The following TYW1 variants were observed in gnomAD, a reference collection of about 807,000 sequenced individuals.
The protein encoded by TYW1 is S-adenosyl-L-methionine-dependent tRNA 4-demethylwyosine synthase TYW1.
A neutral mutation model predicts 96.2 loss-of-function variants in TYW1; 46 were observed. The observed-to-expected ratio is 0.48, with a 90% confidence interval of 0.38 to 0.61. The LOEUF is 0.61. Among genes scored for constraint, TYW1 ranks in the 20% least tolerant of loss-of-function variants. The pLI is 0.00. For missense variants in TYW1, 684 were observed against 909.6 expected, an observed-to-expected ratio of 0.75 and a Z score of 3.19; for synonymous variants, 274 against 323.0, an observed-to-expected ratio of 0.85 and a Z score of 1.63.
intron 11 of TYW1, among the ~76,000 whole-genome samples, chr7:67,094,651 A>AGGGG (rs745340578): frequency 9.9e-5 from 14 of 141,600 alleles, no homozygotes; most frequent in African/African-American, 3.4e-4. Flanking sequence ...AGAGAATTAG[A>AGGGG]GTGTGTGTGT....
chr7:67,119,932 A>G (rs1240075597), intron 13 of TYW1, among the ~76,000 whole-genome samples: 3 of 151,152 alleles, frequency 2.0e-5, no homozygotes, highest in Non-Finnish European at 4.4e-5. Flanking sequence ...GACCACAGGC[A>G]CATACTGCCA....
intron 3 of TYW1, among the ~76,000 whole-genome samples, chr7:67,007,212 A>C (rs1026126662): frequency 6.6e-6 from 1 of 152,030 alleles, no homozygotes; most frequent in Non-Finnish European, 1.5e-5. Context: ...CTTCATTTAT[A>C]TAGGGTGTAA....
intron 15 of TYW1, among the ~76,000 whole-genome samples, chr7:67,199,351 C>G (rs1800513499): frequency 6.6e-6 from 1 of 152,206 alleles, no homozygotes; most frequent in African/African-American, 2.4e-5. Flanking sequence ...GTGTCCACAT[C>G]TCCCTCGTTA....
Position 67,025,000 on chromosome 7 carries a change from T to C in TYW1, c.962T>C (p.Met321Thr). The C allele has an allele frequency of 6.8e-6, 11 of 1,613,854 alleles. No homozygotes were observed. Among genetic ancestry groups the C allele is most frequent in the Non-Finnish European group, 9.3e-6 (11 of 1,179,830 alleles). The change falls in exon 7 of 16, where the codon ATG (methionine) becomes ACG (threonine). Residue 321 changes from methionine (M) to threonine (T), a missense_variant. Met to Thr is a moderately conservative substitution (Grantham distance 81). Coordinates refer to ENST00000359626, the MANE Select transcript of TYW1 (RefSeq NM_018264.4). ...IVDVEDLGKI[M>T]DHVKKEKREK... is the part of the protein sequence containing the mutation. Reference sequence around the variant, plus strand: ...GATGTTGAAGATTTGGGCAAAATTATGGATCATGTGAAGAAAGAAAAGGTA... The same window carrying C: ...GATGTTGAAGATTTGGGCAAAATTACGGATCATGTGAAGAAAGAAAAGGTA...
chr7:67,159,959 C>A (rs1351424545), intron 13 of TYW1, among the ~76,000 whole-genome samples: 2 of 140,010 alleles, frequency 1.4e-5, no homozygotes, highest in African/African-American at 5.8e-5. Context: ...CGCCACCACG[C>A]CCGGCTAATG....
chr7:67,152,911 G>T (rs1798849064), intron 13 of TYW1, among the ~76,000 whole-genome samples: 1 of 152,114 alleles, frequency 6.6e-6, no homozygotes, highest in Admixed American at 6.6e-5. Context: ...ATATTCCCCA[G>T]TTTTTTGCTG....
Position 67,014,418 on chromosome 7 carries a change from C to G in TYW1, c.427C>G (p.Leu143Val), listed in dbSNP as rs749739896. The change falls in exon 5 of 16, where the codon CTA becomes GTA. Residue 143 changes from leucine (L) to valine (V), a missense_variant. Physicochemically the swap from Leu to Val is conservative, Grantham distance 32 (BLOSUM62 1). Transcript: ENST00000359626. ...VFLVATYTDG[L>V]PTESAEWFCK... ...CCTGGTTGCGACATACACTGACGGC[C>G]TACCAACTGAAAGTGCAGAGTGGTT... 1 of 1,613,834 alleles carries G rather than the reference C, an allele frequency of 6.2e-7. No homozygotes were observed. Among genetic ancestry groups the G allele is most frequent in the Admixed American group, 1.7e-5 (1 of 59,968 alleles).
intron 15 of TYW1, 90 bp from the exon 16 acceptor site, chr7:67,238,218 A>G (rs181922555): frequency 6.8e-5 from 105 of 1,545,460 alleles, no homozygotes; most frequent in Non-Finnish European, 5.2e-6. Context: ...TAGGGAGAAA[A>G]GATCAGACTT....
chr7:67,048,356 A>G (rs1379574934), intron 7 of TYW1, among the ~76,000 whole-genome samples: 1 of 150,788 alleles, frequency 6.6e-6, no homozygotes, highest in Non-Finnish European at 1.5e-5. Context: ...GACAGGGACC[A>G]AGGGTGGGCT....
rs535253636 is a variant in TYW1 at position 67,188,518 on chromosome 7, G to A, written c.1809+5282G>A. On this transcript the variant is annotated intron_variant, in intron 14 of 15. Coordinates refer to ENST00000359626, the MANE Select transcript of TYW1 (RefSeq NM_018264.4). Reference sequence around the variant, plus strand: ...GCTGTAAGGGAGACACTCTTGGAGCGGGAAGAAAAGAGACCATTCTGGAAG... The same window carrying A: ...GCTGTAAGGGAGACACTCTTGGAGCAGGAAGAAAAGAGACCATTCTGGAAG... Among the ~76,000 whole-genome samples, 1,032 of 152,190 alleles carry A rather than the reference G, an allele frequency of 6.8e-3. 25 individuals are homozygous for A. The highest frequency in any genetic ancestry group is 4.0e-3 in the Non-Finnish European group (272 of 68,010).
intron 13 of TYW1, among the ~76,000 whole-genome samples, chr7:67,134,621 C>T (rs1798186668): frequency 6.6e-6 from 1 of 151,596 alleles, no homozygotes; most frequent in African/African-American, 2.4e-5. Context: ...GTCGGAGAAC[C>T]CAGGGAAAAG....
chr7:67,112,602 C>G (rs1269693720), intron 12 of TYW1, among the ~76,000 whole-genome samples: 3 of 144,924 alleles, frequency 2.1e-5, no homozygotes, highest in Non-Finnish European at 3.0e-5. Flanking sequence ...GGTGACAGAG[C>G]AAGACTCTTG....
intron 6 of TYW1, among the ~76,000 whole-genome samples, chr7:67,023,064 G>A (rs1373958192): frequency 6.6e-6 from 1 of 152,050 alleles, no homozygotes; most frequent in East Asian, 1.9e-4. Context: ...GCATATGAAG[G>A]TTATTGACAT....
At chr7:67,202,398 T>A (rs1399824785) in intron 15 of TYW1, among the ~76,000 whole-genome samples, 3 of 151,920 alleles carry the variant, frequency 2.0e-5, no homozygotes, top group Non-Finnish European at 4.4e-5. Context: ...TCAATTTATT[T>A]TTTTTATTTT....
chr7:67,037,288 A>G (rs1453298115), intron 7 of TYW1, among the ~76,000 whole-genome samples: 1 of 152,032 alleles, frequency 6.6e-6, no homozygotes, highest in Admixed American at 6.6e-5. Flanking sequence ...CAGGTGGATC[A>G]CCTGACGTCA....
chr7:67,198,530 G>A (rs1161822990), intron 15 of TYW1, among the ~76,000 whole-genome samples: 5 of 149,560 alleles, frequency 3.3e-5, no homozygotes, highest in East Asian at 2.0e-4. Context: ...CAGCCTGGGC[G>A]ACAGGGTGAG....
At chr7:67,218,668 G>A (rs1235112789) in intron 15 of TYW1, among the ~76,000 whole-genome samples, 3 of 152,262 alleles carry the variant, frequency 2.0e-5, no homozygotes, top group Middle Eastern at 3.4e-3. Flanking sequence ...TATTGTTTAT[G>A]AACCTGTTTT....
chr7:67,030,931 TG>T (rs1269193589), intron 7 of TYW1, among the ~76,000 whole-genome samples: 1 of 151,992 alleles, frequency 6.6e-6, no homozygotes, highest in Non-Finnish European at 1.5e-5. Flanking sequence ...CCTGGCACGG[TG>T]GCTCATGCCT....
chr7:67,116,489 C>T (rs1443593281), intron 12 of TYW1, among the ~76,000 whole-genome samples: 2 of 151,848 alleles, frequency 1.3e-5, no homozygotes, highest in African/African-American at 2.4e-5. Context: ...AGTTCCAGAC[C>T]AGCCTAGGTA....
Sources: gnomAD v4.1 joint callset for allele counts (sites outside exome capture counted in the v4.1 genomes callset) on GRCh38, gnomAD v4.1.1 for gene constraint, MANE v1.5 for transcripts, NCBI Gene and HGNC (gene_info 2026-07-23, HGNC 2026-07-21) for gene names.